The following BAZ2B variants were observed in gnomAD, a reference collection of about 807,000 sequenced individuals.
BAZ2B encodes the protein bromodomain adjacent to zinc finger domain protein 2B.
A neutral mutation model predicts 246.0 loss-of-function variants in BAZ2B; 91 were observed. That is an observed-to-expected ratio of 0.37 (90% CI 0.31 to 0.44). BAZ2B has a LOEUF of 0.44. Ranked by LOEUF, BAZ2B falls within the 20% of genes least tolerant of loss-of-function variation. The pLI is 1.00. For missense variants in BAZ2B, 2,332 were observed against 2,533.7 expected (o/e 0.92, Z 1.71); for synonymous variants, 855 against 860.0 (o/e 0.99, Z 0.10).
intron 3 of BAZ2B, among the ~76,000 whole-genome samples, chr2:159,471,838 AATTTAT>A (rs1201481125): frequency 6.6e-6 from 1 of 152,202 alleles, no homozygotes; most frequent in African/African-American, 2.4e-5. Context: ...TATTTGGCTT[AATTTAT>A]ATTCTTACAT....
the BAZ2B span, among the ~76,000 whole-genome samples, chr2:159,651,108 A>G: frequency 6.6e-5 from 10 of 152,148 alleles, no homozygotes; most frequent in Admixed American, 6.6e-4. Flanking sequence ...TTATCAAGAT[A>G]CTTTCTTTCC....
intron 36 of BAZ2B, among the ~76,000 whole-genome samples, chr2:159,320,866 T>C (rs2062637442): frequency 6.6e-6 from 1 of 152,218 alleles, no homozygotes; most frequent in Admixed American, 6.5e-5. Flanking sequence ...AAATTACACT[T>C]GTCCTGTAGC....
chr2:159,483,125 C>T (rs2079426479), intron 2 of BAZ2B, among the ~76,000 whole-genome samples: 1 of 152,120 alleles, frequency 6.6e-6, no homozygotes, highest in Non-Finnish European at 1.5e-5. Context: ...TATAATTCAA[C>T]AATGGAAGAA....
At chr2:159,356,791 A>T (rs1025438376) in intron 27 of BAZ2B, among the ~76,000 whole-genome samples, 22 of 152,198 alleles carry the variant, frequency 1.4e-4, no homozygotes, top group Non-Finnish European at 2.2e-4. Context: ...ACAGGCAGCA[A>T]TCTTTGCTGT....
the BAZ2B span, among the ~76,000 whole-genome samples, chr2:159,638,859 C>T: frequency 6.6e-6 from 1 of 151,820 alleles, no homozygotes; most frequent in South Asian, 2.1e-4. Context: ...TAAAGAAATT[C>T]CCAAAGTTAA....
At chr2:159,360,658 A>G (rs1378652472) in intron 27 of BAZ2B, among the ~76,000 whole-genome samples, 1 of 152,256 alleles carries the variant, frequency 6.6e-6, no homozygotes, top group African/African-American at 2.4e-5. Context: ...CCCTAAGCAG[A>G]AAGAACAAAG....
intron 3 of BAZ2B, among the ~76,000 whole-genome samples, chr2:159,457,623 A>G (rs2075938342): frequency 1.3e-5 from 2 of 152,164 alleles, no homozygotes; most frequent in African/African-American, 4.8e-5. Context: ...TTTAGGTCAC[A>G]TGTTGGATTT....
rs2080791448 is a variant in BAZ2B at position 159,493,976 on chromosome 2, G to A, written c.-2-15255C>T. ...CTGATGACACTCTCCGTACAGGGAG[G>A]GTCTTCAAGAGCTGGTAAGAAACTA... On this transcript the variant is annotated intron_variant, in intron 2 of 36. Transcript: ENST00000392783. Among the ~76,000 whole-genome samples, 7 of 152,134 alleles carry A rather than the reference G, an allele frequency of 4.6e-5. 1 individual carries two copies. In the South Asian group the frequency reaches 1.5e-3, roughly 32 times the overall value.
At chr2:159,700,482 A>G in the BAZ2B span, among the ~76,000 whole-genome samples, 3 of 152,090 alleles carry the variant, frequency 2.0e-5, no homozygotes, top group South Asian at 2.1e-4. Context: ...TTTTGTCCCT[A>G]TCGCCCAGGC....
chr2:159,606,053 TAAGA>T (rs1324437889), intron 1 of BAZ2B, among the ~76,000 whole-genome samples: 1 of 152,138 alleles, frequency 6.6e-6, no homozygotes, highest in Non-Finnish European at 1.5e-5. Flanking sequence ...TGATTACAGA[TAAGA>T]GTTATTTACC....
At position 159,412,524 on chromosome 2, in the gene BAZ2B, T is replaced by C. The variant is rs1466361741; in HGVS notation, c.2488A>G (p.Lys830Glu). 1.9e-6 allele frequency: 3 copies of C among 1,613,840 alleles called. No individual in the cohort carries two copies. Among genetic ancestry groups the C allele is most frequent in the Non-Finnish European group, 2.5e-6 (3 of 1,179,906 alleles). ...ATACGAGGAATGACATCCTCTTCTT[T>C]CAAAAGACACCACTGCATTCCCTTT... is the stretch of plus-strand genomic sequence containing the variant. ...GPQGMQWCLL[K>E]EEDVIPRIRA... The change falls in exon 14 of 37, where the codon AAA (lysine) becomes GAA (glutamate). Residue 830 changes from lysine (K) to glutamate (E), a missense_variant. Coordinates refer to ENST00000392783, the MANE Select transcript of BAZ2B (RefSeq NM_013450.4).
intron 2 of BAZ2B, among the ~76,000 whole-genome samples, chr2:159,480,249 TA>T (rs911777985): frequency 6.6e-5 from 10 of 151,932 alleles, no homozygotes; most frequent in South Asian, 2.1e-4. Flanking sequence ...ATATACTATG[TA>T]AAAAAAATAA....
intron 31 of BAZ2B, among the ~76,000 whole-genome samples, chr2:159,339,739 AAAG>A (rs556091268): frequency 5.8e-4 from 88 of 152,334 alleles, no homozygotes; most frequent in Non-Finnish European, 1.1e-3. Context: ...ATTCAGTCAT[AAAG>A]AAGAATGAAA....
intron 13 of BAZ2B, among the ~76,000 whole-genome samples, chr2:159,423,011 C>A (rs1297244441): frequency 6.6e-6 from 1 of 151,994 alleles, no homozygotes; most frequent in Non-Finnish European, 1.5e-5. Flanking sequence ...CTCATTCTGA[C>A]ACTAGTCAGA....
chr2:159,680,778 C>A, the BAZ2B span, among the ~76,000 whole-genome samples: 1 of 152,064 alleles, frequency 6.6e-6, no homozygotes, highest in African/African-American at 2.4e-5. Flanking sequence ...GCTGTTACCC[C>A]CTATTGCAAA....
chr2:159,522,390 T>C (rs1003934702), intron 2 of BAZ2B, among the ~76,000 whole-genome samples: 3 of 152,170 alleles, frequency 2.0e-5, no homozygotes, highest in Non-Finnish European at 4.4e-5. Flanking sequence ...GGCTAATCTC[T>C]GGCATACAAT....
chr2:159,650,802 G>C, the BAZ2B span, among the ~76,000 whole-genome samples: 1 of 152,136 alleles, frequency 6.6e-6, no homozygotes, highest in Admixed American at 6.6e-5. Context: ...TTGTGTGACA[G>C]AGCCTGGAAA....
chr2:159,360,899 T>C (rs962099228), intron 27 of BAZ2B, among the ~76,000 whole-genome samples: 16 of 152,242 alleles, frequency 1.1e-4, no homozygotes, highest in African/African-American at 3.6e-4. Flanking sequence ...GCTAGTCATA[T>C]GCAGAAAACT....
At chr2:159,366,077 C>T (rs1216341631) in intron 27 of BAZ2B, among the ~76,000 whole-genome samples, 1 of 152,202 alleles carries the variant, frequency 6.6e-6, no homozygotes, top group East Asian at 1.9e-4. Context: ...AACCAGAGTT[C>T]TCATTTGCCC....
Sources: allele counts gnomAD v4.1 joint callset (sites outside exome capture counted in the v4.1 genomes callset), GRCh38; gene constraint gnomAD v4.1.1; transcripts MANE v1.5; gene names NCBI Gene and HGNC (gene_info 2026-07-23, HGNC 2026-07-21).